The following DTNBP1 variants were observed in gnomAD, a reference collection of about 807,000 sequenced individuals.
DTNBP1 encodes the protein dysbindin.
In DTNBP1, 35 loss-of-function variants were observed where a neutral mutation model predicts 42.8. The observed-to-expected ratio is 0.82, with a 90% CI of 0.63 to 1.09. The LOEUF is 1.09. DTNBP1 is among the 50% of genes least tolerant of loss of function. The pLI is 0.00. For synonymous variants in DTNBP1, 171 were observed against 162.2 expected (o/e 1.05, Z -0.41); for missense variants, 457 against 424.2 (o/e 1.08, Z -0.68).
intron 6 of DTNBP1, among the ~76,000 whole-genome samples, chr6:15,606,195 C>T (rs1185152711): frequency 1.3e-5 from 2 of 152,222 alleles, no homozygotes; most frequent in Non-Finnish European, 2.9e-5. Flanking sequence ...GACTAGGAAG[C>T]CACTGTCACG....
chr6:15,585,841 G>T, intron 7 of DTNBP1: 2 of 1,490,580 alleles, frequency 1.3e-6, no homozygotes, highest in Non-Finnish European at 1.8e-6. Context: ...CTGCCCTCAC[G>T]TGCATCTTCT....
chr6:15,663,054 G>T, upstream of DTNBP1: 1 of 738,438 alleles, frequency 1.4e-6, no homozygotes, highest in Non-Finnish European at 2.0e-6. Context: ...CCCGCCCCGC[G>T]CGCGCCAGGC....
Position 15,523,201 on chromosome 6 carries a change from CAG to C in DTNBP1, c.828_829del (p.Cys277SerfsTer3), listed in dbSNP as rs1191388443. ...AACCTGGAGGGTAATCTCATTCTGA[CAG>C]GTACTGGATTCAGGCCCTGCAAAAT... On this transcript the variant is annotated frameshift_variant, in exon 10 of 10. Coordinates refer to ENST00000344537, the MANE Select transcript of DTNBP1 (RefSeq NM_032122.5). LOFTEE classifies it low-confidence loss of function (END_TRUNC). 2 of 1,614,096 alleles carry C rather than the reference CAG, an allele frequency of 1.2e-6. No homozygotes were observed. Among genetic ancestry groups the C allele is most frequent in the Non-Finnish European group, 1.7e-6 (2 of 1,180,040 alleles).
intron 1 of DTNBP1, chr6:15,660,660 C>T (rs1387817753): frequency 1.3e-6 from 1 of 749,322 alleles, no homozygotes; most frequent in Non-Finnish European, 1.9e-6. Flanking sequence ...TGGCATGTCT[C>T]TCCTTAACTA....
intron 7 of DTNBP1, among the ~76,000 whole-genome samples, chr6:15,567,581 A>T: frequency 6.6e-6 from 1 of 152,238 alleles, no homozygotes; most frequent in East Asian, 1.9e-4. Flanking sequence ...AGAAAATCGT[A>T]CAATTCACGT....
At chr6:15,617,615 T>G (rs1054685133) in intron 5 of DTNBP1, among the ~76,000 whole-genome samples, 1 of 151,988 alleles carries the variant, frequency 6.6e-6, no homozygotes, top group Non-Finnish European at 1.5e-5. Context: ...CCGAGAACAT[T>G]CATTGGGAAA....
At chr6:15,638,174 C>T (rs1294803336) in intron 3 of DTNBP1, among the ~76,000 whole-genome samples, 1 of 151,956 alleles carries the variant, frequency 6.6e-6, no homozygotes, top group African/African-American at 2.4e-5. Flanking sequence ...GTCACCCAGG[C>T]TGGAGTGCAG....
intron 7 of DTNBP1, among the ~76,000 whole-genome samples, chr6:15,568,381 AAGGCTCCC>A (rs1158054549): frequency 1.3e-5 from 2 of 152,178 alleles, no homozygotes; most frequent in African/African-American, 4.8e-5. Context: ...TTCATTTCTG[AAGGCTCCC>A]ATGTCATGTA....
intron 5 of DTNBP1, among the ~76,000 whole-genome samples, chr6:15,617,889 T>G (rs907191682): frequency 3.3e-5 from 5 of 151,686 alleles, no homozygotes; most frequent in Admixed American, 3.3e-4. Context: ...TGTATCAAAC[T>G]AAAAAGCTTC....
At chr6:15,657,935 C>G (rs905187420) in intron 1 of DTNBP1, among the ~76,000 whole-genome samples, 11 of 152,206 alleles carry the variant, frequency 7.2e-5, no homozygotes, top group African/African-American at 2.4e-4. Context: ...TTTAGAAACC[C>G]CTTCCTCTTT....
At chr6:15,619,479 T>C (rs953611784) in intron 5 of DTNBP1, among the ~76,000 whole-genome samples, 1 of 152,160 alleles carries the variant, frequency 6.6e-6, no homozygotes, top group Admixed American at 6.5e-5. Context: ...AGTACTCAAT[T>C]TGCAACTGAG....
intron 1 of DTNBP1, among the ~76,000 whole-genome samples, chr6:15,657,431 C>T (rs1761347375): frequency 6.6e-6 from 1 of 152,148 alleles, no homozygotes; most frequent in South Asian, 2.1e-4. Context: ...GTGCCTAACA[C>T]ATCTATTCCC....
Position 15,662,821 on chromosome 6 carries a change from T to C in DTNBP1, c.49A>G (p.Thr17Ala). The C allele has an allele frequency of 1.9e-6, 3 of 1,610,802 alleles. No homozygotes were observed. Among genetic ancestry groups the C allele is most frequent in the Non-Finnish European group, 2.5e-6 (3 of 1,179,388 alleles). Residue 17 changes from threonine to alanine, a missense_variant, in exon 1 of 10, where the codon ACC becomes GCC. By Grantham distance (58) the Thr-to-Ala change is moderately conservative (BLOSUM62 0). Coordinates refer to ENST00000344537, the MANE Select transcript of DTNBP1 (RefSeq NM_032122.5). The part of the protein sequence containing the change: ...ERLLSVQQDF[T>A]SGLKTLSDKS... ...CGCCCACCGTATACCCACCCGGAGG[T>C]GAAATCCTGCTGCACGCTCAGCAGC...
chr6:15,571,303 AAAG>A (rs1249764209), intron 7 of DTNBP1, among the ~76,000 whole-genome samples: 2 of 152,250 alleles, frequency 1.3e-5, no homozygotes, highest in African/African-American at 4.8e-5. Flanking sequence ...CCTATACATA[AAAG>A]AAAAGATTTT....
intron 7 of DTNBP1, among the ~76,000 whole-genome samples, chr6:15,577,652 T>C (rs1400409962): frequency 6.6e-6 from 1 of 152,170 alleles, no homozygotes; most frequent in South Asian, 2.1e-4. Flanking sequence ...TTTTGACAGG[T>C]TGAGTTTAAG....
At chr6:15,627,221 T>C in intron 5 of DTNBP1, 122 bp downstream of exon 5, 1 of 1,298,998 alleles carries the variant, frequency 7.7e-7, no homozygotes, top group East Asian at 2.4e-5. Context: ...AATCATGATT[T>C]TCCAAAAAAT....
chr6:15,524,484 G>C lies in DTNBP1; in HGVS notation c.811+42C>G, dbSNP rs144524387. 17 of 1,611,814 alleles carry C rather than the reference G, an allele frequency of 1.1e-5. No homozygotes were observed. In the East Asian group the frequency reaches 3.3e-4, roughly 32 times the overall value. The stretch of plus-strand genomic sequence containing the variant: ...CTCACCTTTGGAGGGGAGTGGCATC[G>C]ATACTGCCCTGGTTCAGCTAATGCA... On this transcript the variant is annotated intron_variant, in intron 9 of 9. Coordinates refer to ENST00000344537, the MANE Select transcript of DTNBP1 (RefSeq NM_032122.5).
At chr6:15,540,153 G>A (rs1045860737) in intron 7 of DTNBP1, among the ~76,000 whole-genome samples, 2 of 151,944 alleles carry the variant, frequency 1.3e-5, no homozygotes, top group African/African-American at 4.8e-5. Context: ...TTACCTTTCA[G>A]TACTCTTAAT....
At chr6:15,524,731 T>C in intron 8 of DTNBP1, 62 bp from the exon 9 acceptor site, 1 of 1,590,698 alleles carries the variant, frequency 6.3e-7, no homozygotes, top group South Asian at 1.1e-5. Context: ...AAAGGTGAAC[T>C]TCCATTGGCA....
Sources: gnomAD v4.1 joint callset for allele counts (sites outside exome capture counted in the v4.1 genomes callset) on GRCh38, gnomAD v4.1.1 for gene constraint, MANE v1.5 for transcripts, NCBI Gene and HGNC (gene_info 2026-07-23, HGNC 2026-07-21) for gene names.